Variants in NOS1 observed in about 807,000 individuals in gnomAD.
NOS1 encodes nitric oxide synthase 1, also known as NOS type I.
In NOS1, 51 loss-of-function variants were observed where a neutral mutation model predicts 164.5. The observed-to-expected ratio is 0.31, with a 90% confidence interval of 0.25 to 0.39. The LOEUF (loss-of-function observed/expected upper bound fraction) is 0.39, where lower values mean the gene tolerates loss of function less well. NOS1 is among the 10% of genes least tolerant of loss of function. The pLI is 1.00. For synonymous variants in NOS1, 719 were observed against 745.8 expected (o/e 0.96, Z 0.59); for missense variants, 1,362 against 1,885.6 (o/e 0.72, Z 5.14).
chr12:117,324,903 T>G (rs1220713385), intron 2 of NOS1, among the ~76,000 whole-genome samples: 1 of 152,098 alleles, frequency 6.6e-6, no homozygotes, highest in African/African-American at 2.4e-5. Flanking sequence ...CCCACGTAAG[T>G]GCCACCATCC....
At chr12:117,285,668 G>C (rs1270439344) in intron 6 of NOS1, among the ~76,000 whole-genome samples, 2 of 152,016 alleles carry the variant, frequency 1.3e-5, no homozygotes, top group African/African-American at 4.8e-5. Context: ...TTAAAAAACA[G>C]AACAAAAATC....
At chr12:117,247,575 GA>G in intron 17 of NOS1, 53 bp from the exon 18 acceptor site, 1 of 1,528,530 alleles carries the variant, frequency 6.5e-7, no homozygotes, top group Non-Finnish European at 8.9e-7. Flanking sequence ...GGAATGTGGG[GA>G]GTGTCTGGTG....
intron 16 of NOS1, among the ~76,000 whole-genome samples, chr12:117,258,152 G>T (rs1871612346): frequency 6.6e-6 from 1 of 152,162 alleles, no homozygotes. Flanking sequence ...TAATTAGAAA[G>T]TCAAGGTAGG....
At chr12:117,299,571 G>A (rs565102309) in intron 3 of NOS1, among the ~76,000 whole-genome samples, 163 of 151,220 alleles carry the variant, frequency 1.1e-3, no homozygotes, top group African/African-American at 3.6e-3. Flanking sequence ...CCCGGGAGGC[G>A]GAGCTTGCAG....
intron 5 of NOS1, among the ~76,000 whole-genome samples, chr12:117,287,075 T>TGTG (rs1433764540): frequency 6.6e-6 from 1 of 151,702 alleles, no homozygotes; most frequent in Admixed American, 6.6e-5. Context: ...ATTAGCTGGG[T>TGTG]GTGGTGGTGC....
At chr12:117,346,983 C>A (rs1264334206) in intron 1 of NOS1, among the ~76,000 whole-genome samples, 2 of 152,040 alleles carry the variant, frequency 1.3e-5, no homozygotes, top group Admixed American at 6.6e-5. Context: ...TTGTTATCAC[C>A]ATTTAAAAAC....
At chr12:117,351,018 G>A (rs979069676) in intron 1 of NOS1, among the ~76,000 whole-genome samples, 41 of 152,216 alleles carry the variant, frequency 2.7e-4, no homozygotes, top group Non-Finnish European at 5.6e-4. Context: ...GGAGGCTGAT[G>A]CAGGAGAATG....
chr12:117,331,061 A>G lies in NOS1; in HGVS notation c.9T>C (p.Asp3=), dbSNP rs1875523596. 6.2e-7 allele frequency: 1 copy of G among 1,610,268 alleles called. No homozygotes were observed. ME[D]HMFGVQQIQP... is the part of the protein sequence containing the mutation. ...GGATTTGCTGAACACCGAACATGTG[A>G]TCCTCCATGGTAACTAGCTTCCGAG... is the stretch of plus-strand genomic sequence containing the variant. The change falls in exon 2 of 29, where the codon GAT becomes GAC. Residue 3 remains aspartate, a synonymous_variant. Coordinates refer to ENST00000317775, the MANE Select transcript of NOS1 (RefSeq NM_000620.5).
At chr12:117,315,044 AT>A (rs1481440969) in intron 2 of NOS1, among the ~76,000 whole-genome samples, 2 of 152,244 alleles carry the variant, frequency 1.3e-5, no homozygotes, top group Admixed American at 1.3e-4. Context: ...AAATGATCAC[AT>A]GGTTCATCTT....
intron 17 of NOS1, among the ~76,000 whole-genome samples, 187 bp from the exon 18 acceptor site, chr12:117,247,709 C>T (rs962428813): frequency 3.9e-5 from 6 of 152,016 alleles, no homozygotes; most frequent in African/African-American, 9.6e-5. Flanking sequence ...AGGGTAAAGC[C>T]CTGATCTGAT....
rs757762871 is a variant in NOS1 at position 117,332,946 on chromosome 12, CAA to C, written c.-420-1459_-420-1458del. Among the ~76,000 whole-genome samples, 32 of 152,306 alleles carry C rather than the reference CAA, an allele frequency of 2.1e-4. 1 individual carries two copies. Among genetic ancestry groups the C allele is most frequent in the Admixed American group, 1.0e-3 (16 of 15,304 alleles). On this transcript the variant is annotated intron_variant, in intron 1 of 28. Transcript: ENST00000317775. ...TTCTCCCTGAAATGCTGGAATCTTGCAAGTCACTGACTCTCTCAGGCTCAAAG... is the reference window on the plus strand; with the variant it reads ...TTCTCCCTGAAATGCTGGAATCTTGCGTCACTGACTCTCTCAGGCTCAAAG...
intron 1 of NOS1, among the ~76,000 whole-genome samples, chr12:117,339,788 A>G (rs1337965972): frequency 1.3e-5 from 2 of 152,228 alleles, no homozygotes; most frequent in African/African-American, 4.8e-5. Flanking sequence ...GGTGGAGCAC[A>G]CCCATTTAGA....
intron 1 of NOS1, among the ~76,000 whole-genome samples, chr12:117,344,158 T>C (rs1438945612): frequency 6.6e-6 from 1 of 152,232 alleles, no homozygotes; most frequent in African/African-American, 2.4e-5. Flanking sequence ...AAAATATTCA[T>C]TAAGGCAGGC....
chr12:117,253,336 G>A (rs534993548), intron 17 of NOS1, among the ~76,000 whole-genome samples: 1 of 152,214 alleles, frequency 6.6e-6, no homozygotes, highest in East Asian at 1.9e-4. Context: ...GCAGCTCATT[G>A]AGCAATATCC....
At chr12:117,337,038 C>G (rs576258579) in intron 1 of NOS1, among the ~76,000 whole-genome samples, 1 of 151,874 alleles carries the variant, frequency 6.6e-6, no homozygotes, top group East Asian at 1.9e-4. Context: ...TTGAGCAATC[C>G]TCCTGCCTCA....
chr12:117,258,337 A>C, intron 16 of NOS1, 60 bp downstream of exon 16: 4 of 1,570,738 alleles, frequency 2.5e-6, no homozygotes, highest in Non-Finnish European at 3.5e-6. Flanking sequence ...CAGGTGCCAA[A>C]AGTCAATGTC....
intron 12 of NOS1, among the ~76,000 whole-genome samples, chr12:117,264,460 CTTTA>C (rs1185434061): frequency 9.8e-6 from 1 of 102,096 alleles, no homozygotes; most frequent in Non-Finnish European, 1.9e-5. Context: ...TATTTTCTTT[CTTTA>C]TTTTCTTTCT....
At chr12:117,337,985 C>A (rs966466058) in intron 1 of NOS1, among the ~76,000 whole-genome samples, 16 of 152,200 alleles carry the variant, frequency 1.1e-4, no homozygotes, top group Admixed American at 9.2e-4. Context: ...GAGGCCGAGG[C>A]AGGTGGATCA....
intron 22 of NOS1, among the ~76,000 whole-genome samples, chr12:117,228,414 G>A (rs1868894768): frequency 6.6e-6 from 1 of 152,192 alleles, no homozygotes; most frequent in Admixed American, 6.5e-5. Context: ...CATGCAGGGA[G>A]TGGCAGGCAT....
Sources: gnomAD v4.1 joint callset for allele counts (sites outside exome capture counted in the v4.1 genomes callset) on GRCh38, gnomAD v4.1.1 for gene constraint, MANE v1.5 for transcripts, NCBI Gene and HGNC (gene_info 2026-07-23, HGNC 2026-07-21) for gene names.